Variants in PDILT observed in about 807,000 individuals in gnomAD.
PDILT encodes protein disulfide isomerase like, testis expressed.
PDILT carries 43 observed loss-of-function variants against 53.7 expected under a neutral mutation model. The observed-to-expected ratio is 0.80, with a 90% CI of 0.63 to 1.03. The LOEUF (loss-of-function observed/expected upper bound fraction) is 1.03, where lower values mean the gene tolerates loss of function less well. Among genes scored for constraint, PDILT ranks in the 50% least tolerant of loss-of-function variants. The probability of loss-of-function intolerance (pLI) is 0.00; values close to 1 mark genes in which losing one functional copy is unlikely to be tolerated. For missense variants in PDILT, 727 were observed against 712.3 expected (o/e 1.02, Z -0.24); for synonymous variants, 282 against 274.2 (o/e 1.03, Z -0.28).
At chr16:20,373,343 C>T (rs112575351) in intron 5 of PDILT, among the ~76,000 whole-genome samples, 13 of 152,218 alleles carry the variant, frequency 8.5e-5, no homozygotes, top group South Asian at 2.1e-4. Flanking sequence ...CTCAGATCTA[C>T]GGCAGGCCAC....
At chr16:20,379,324 C>T (rs60261667) in intron 3 of PDILT, among the ~76,000 whole-genome samples, 20,253 of 152,144 alleles carry the variant, frequency 0.13, 1,683 homozygotes, top group African/African-American at 0.23. Context: ...CAGGCACGTG[C>T]CACCACACCC....
chr16:20,372,752 C>T, intron 7 of PDILT, 50 bp downstream of exon 7: 5 of 1,594,778 alleles, frequency 3.1e-6, no homozygotes, highest in East Asian at 2.2e-5. Flanking sequence ...GTCTGCAGGT[C>T]TTGGATCCTC....
chr16:20,364,383 C>T (rs1486753454), intron 9 of PDILT, among the ~76,000 whole-genome samples: 1 of 152,166 alleles, frequency 6.6e-6, no homozygotes, highest in Non-Finnish European at 1.5e-5. Context: ...GTCTTACCCT[C>T]CAGAAAGTAA....
At chr16:20,395,072 A>G (rs943367007) in intron 2 of PDILT, among the ~76,000 whole-genome samples, 3 of 152,232 alleles carry the variant, frequency 2.0e-5, no homozygotes, top group African/African-American at 7.2e-5. Flanking sequence ...AAGGGATTTC[A>G]TTGATCTCGT....
intron 10 of PDILT, among the ~76,000 whole-genome samples, chr16:20,361,484 C>T (rs1159125078): frequency 2.6e-5 from 4 of 152,162 alleles, no homozygotes; most frequent in Admixed American, 2.6e-4. Context: ...ACGCCCGACT[C>T]CCTTTCCTCT....
chr16:20,387,016 G>C (rs1039394946), intron 2 of PDILT, among the ~76,000 whole-genome samples: 1 of 152,220 alleles, frequency 6.6e-6, no homozygotes, highest in Non-Finnish European at 1.5e-5. Context: ...CTGAGAGCTA[G>C]ATTGATGGGG....
intron 8 of PDILT, among the ~76,000 whole-genome samples, chr16:20,366,954 TCC>T (rs1567320239): frequency 1.2e-4 from 8 of 67,622 alleles, no homozygotes; most frequent in Non-Finnish European, 9.9e-5. Flanking sequence ...CTTCCTTCCT[TCC>T]TTCCTTCCTT....
chr16:20,384,887 TC>T, intron 2 of PDILT, 36 bp from the exon 3 acceptor site: 1 of 1,588,210 alleles, frequency 6.3e-7, no homozygotes. Flanking sequence ...GAGAGGCCTT[TC>T]CTCGCTCCCC....
intron 3 of PDILT, among the ~76,000 whole-genome samples, chr16:20,383,655 G>C (rs1015198344): frequency 1.6e-4 from 25 of 152,180 alleles, no homozygotes; most frequent in African/African-American, 6.0e-4. Context: ...AAATAACACT[G>C]AATCCAGCTT....
chr16:20,365,306 T>A, intron 9 of PDILT, 114 bp downstream of exon 9: 1 of 1,195,424 alleles, frequency 8.4e-7, no homozygotes, highest in Non-Finnish European at 1.2e-6. Context: ...AAGACCATCC[T>A]TGGCATGGTG....
chr16:20,373,188 A>G lies in PDILT; in HGVS notation c.682-66T>C, dbSNP rs549385383. The G allele has an allele frequency of 3.9e-6, 5 of 1,286,750 alleles. No individual in the cohort carries two copies. The Middle Eastern group carries it at 8.1e-4, about 209-fold the overall frequency. 79.7% of individuals were successfully genotyped at this position (1,286,750 alleles called of 1,614,324 possible). A position where few individuals can be genotyped will look rare whatever the true frequency, so the allele number is the denominator to read the frequency against. On this transcript the variant is annotated intron_variant, in intron 5 of 11. Transcript: ENST00000302451. ...CATGATATAGCCACTTAATAAATAT[A>G]AATAGCACAATTTTCTCCTTGGATA...
intron 9 of PDILT, 148 bp downstream of exon 9, chr16:20,365,272 T>G: frequency 1.2e-6 from 1 of 844,630 alleles, no homozygotes; most frequent in Non-Finnish European, 1.9e-6. Flanking sequence ...GATAGCATCT[T>G]GAGTCAATCC....
chr16:20,376,312 A>C, intron 3 of PDILT, 111 bp from the exon 4 acceptor site: 3 of 1,359,248 alleles, frequency 2.2e-6, no homozygotes, highest in South Asian at 3.0e-5. Context: ...TCAGGCTCCC[A>C]CCCCTTGAAG....
At chr16:20,367,028 T>C (rs891481327) in intron 8 of PDILT, among the ~76,000 whole-genome samples, 1 of 4,424 alleles carries the variant, frequency 2.3e-4, no homozygotes, top group East Asian at 1.8e-3. Flanking sequence ...CTCTTTCTTC[T>C]TTCTTTCTTT....
Position 20,399,110 on chromosome 16 carries a change from A to C in PDILT, c.191T>G (p.Met64Arg), listed in dbSNP as rs776057236. Residue 64 changes from methionine (M) to arginine (R), a missense_variant, in exon 2 of 12, where the codon ATG becomes AGG. Transcript: ENST00000302451. ...TQMLNQTRFL[M>R]VLFHNPSSKQ... ...ATGGGGGCACTCACGGAAAAGCACCATGAGGAAGCGGGTCTGGTTCAGCAT... is the reference window on the plus strand; with the variant it reads ...ATGGGGGCACTCACGGAAAAGCACCCTGAGGAAGCGGGTCTGGTTCAGCAT... 1.2e-6 allele frequency: 2 copies of C among 1,614,190 alleles called. No homozygotes were observed. Among genetic ancestry groups the C allele is most frequent in the East Asian group, 4.5e-5 (2 of 44,884 alleles).
intron 2 of PDILT, 52 bp from the exon 3 acceptor site, chr16:20,384,903 C>G (rs1463489716): frequency 6.4e-7 from 1 of 1,550,486 alleles, no homozygotes; most frequent in African/African-American, 1.4e-5. Context: ...CTCCCCATCT[C>G]CAACAGTAGA....
At chr16:20,365,650 A>G (rs999958100) in intron 8 of PDILT, 110 bp from the exon 9 acceptor site, 48 of 1,364,338 alleles carry the variant, frequency 3.5e-5, no homozygotes, top group Non-Finnish European at 4.5e-5. Context: ...TTTTTTCACA[A>G]GAGCCTTAGG....
intron 6 of PDILT, 42 bp from the exon 7 acceptor site, chr16:20,372,969 T>C (rs1233241839): frequency 6.2e-7 from 1 of 1,613,576 alleles, no homozygotes; most frequent in Non-Finnish European, 8.5e-7. Flanking sequence ...GCACACACAG[T>C]GGCCCCAGCT....
Position 20,391,200 on chromosome 16 carries a change from A to G in PDILT, c.203-6349T>C, listed in dbSNP as rs566984817. On this transcript the variant is annotated intron_variant, in intron 2 of 11. Transcript: ENST00000302451. ...AATCATGATCACCAGTACCATCATC[A>G]CCATTGTCATCATCATCATAATCGT... 210 of 164,892 alleles carry G rather than the reference A, an allele frequency of 1.3e-3. 2 individuals are homozygous for G. Among genetic ancestry groups the G allele is most frequent in the East Asian group, 0.012 (65 of 5,328 alleles). The allele number at this position is 164,892 out of a possible 1,614,324, so 10.2% of individuals were successfully genotyped here. A position where few individuals can be genotyped will look rare whatever the true frequency, so the allele number is the denominator to read the frequency against.
Sources: allele counts gnomAD v4.1 joint callset (sites outside exome capture counted in the v4.1 genomes callset), GRCh38; gene constraint gnomAD v4.1.1; transcripts MANE v1.5; gene names NCBI Gene and HGNC (gene_info 2026-07-23, HGNC 2026-07-21).